ADGRV1: variants seen among roughly 807,000 people sequenced by gnomAD.
ADGRV1 encodes G-protein coupled receptor 98.
A neutral mutation model predicts 596.2 loss-of-function variants in ADGRV1; 359 were observed. That is an observed-to-expected ratio of 0.60 (90% CI 0.55 to 0.66). The LOEUF is 0.66. ADGRV1 is among the 30% of genes least tolerant of loss of function. ADGRV1 has a pLI of 0.00. For synonymous variants in ADGRV1, 2,681 were observed against 2,679.2 expected (o/e 1.00, Z -0.02); for missense variants, 7,274 against 7,575.6 (o/e 0.96, Z 1.48).
chr5:90,891,178 A>G (rs1214727353), intron 83 of ADGRV1, among the ~76,000 whole-genome samples: 2 of 147,770 alleles, frequency 1.4e-5, no homozygotes, highest in East Asian at 3.9e-4. Flanking sequence ...TTATATTATA[A>G]TATATATTAT....
At chr5:90,675,671 GCAGCTA>G (rs1773145759) in intron 24 of ADGRV1, among the ~76,000 whole-genome samples, 1 of 151,970 alleles carries the variant, frequency 6.6e-6, no homozygotes, top group Admixed American at 6.6e-5. Flanking sequence ...GTGTGGTGGT[GCAGCTA>G]CTCTGGATGC....
chr5:90,625,302 T>C, intron 6 of ADGRV1, 59 bp downstream of exon 6: 4 of 1,066,952 alleles, frequency 3.7e-6, no homozygotes, highest in Non-Finnish European at 4.3e-6. Context: ...GACACAGTCC[T>C]GTATAAACTT....
chr5:90,818,965 G>C, intron 75 of ADGRV1, among the ~76,000 whole-genome samples: 1 of 151,856 alleles, frequency 6.6e-6, no homozygotes, highest in East Asian at 1.9e-4. Flanking sequence ...TTTTTCTGTT[G>C]ATTGGAATAG....
intron 83 of ADGRV1, among the ~76,000 whole-genome samples, chr5:90,908,358 T>C (rs565790599): frequency 1.3e-5 from 2 of 152,210 alleles, no homozygotes; most frequent in Admixed American, 1.3e-4. Context: ...CAAGCATTTA[T>C]CCTTTGTGTT....
intron 26 of ADGRV1, 92 bp from the exon 27 acceptor site, chr5:90,681,223 C>G (rs1317628630): frequency 1.4e-6 from 2 of 1,414,150 alleles, no homozygotes; most frequent in Non-Finnish European, 1.9e-6. Context: ...TGGAAGGACT[C>G]TTTTCAAAAA....
At chr5:90,580,714 T>A (rs963206372) in intron 1 of ADGRV1, among the ~76,000 whole-genome samples, 4 of 152,312 alleles carry the variant, frequency 2.6e-5, no homozygotes, top group African/African-American at 7.2e-5. Flanking sequence ...CCCTTAACAT[T>A]TTTTCCTTCA....
intron 1 of ADGRV1, among the ~76,000 whole-genome samples, chr5:90,587,893 C>T (rs1399031446): frequency 2.0e-5 from 3 of 151,616 alleles, no homozygotes; most frequent in Non-Finnish European, 4.4e-5. Flanking sequence ...TTTGCTCTAT[C>T]CTACAAAATG....
At chr5:90,889,397 A>G (rs1297589673) in intron 83 of ADGRV1, among the ~76,000 whole-genome samples, 3 of 152,128 alleles carry the variant, frequency 2.0e-5, no homozygotes, top group Non-Finnish European at 4.4e-5. Context: ...TCTCCTCATT[A>G]TAGAGAAGAC....
At position 90,840,841 on chromosome 5, in the gene ADGRV1, G is replaced by A. The variant is rs1227890928; in HGVS notation, c.16875G>A (p.Ser5625=). 1.4e-5 allele frequency: 22 copies of A among 1,613,286 alleles called. No individual in the cohort carries two copies. The highest frequency in any genetic ancestry group is 4.4e-5 in the South Asian group (4 of 91,036). ...ANITLVSDAD[S]QAIWGLADQL... is the part of the protein sequence containing the mutation. ...TCACTCTTGTCTCAGATGCAGATTC[G>A]CAGGCCATTTGGGGGCTTGCAGATC... Residue 5625 remains serine, a synonymous_variant, in exon 78 of 90, where the codon TCG becomes TCA. Transcript: ENST00000405460.
At chr5:90,937,420 C>G (rs980822555) in intron 83 of ADGRV1, among the ~76,000 whole-genome samples, 1 of 150,542 alleles carries the variant, frequency 6.6e-6, no homozygotes, top group African/African-American at 2.4e-5. Flanking sequence ...TTAAAGTTAT[C>G]CCATTTATTG....
intron 87 of ADGRV1, among the ~76,000 whole-genome samples, chr5:91,144,396 C>T (rs1321051445): frequency 6.6e-6 from 1 of 152,214 alleles, no homozygotes; most frequent in Non-Finnish European, 1.5e-5. Flanking sequence ...GCCTCAACCT[C>T]TTGGGCTCAA....
At chr5:90,805,529 G>A in intron 72 of ADGRV1, 71 bp downstream of exon 72, 1 of 1,279,824 alleles carries the variant, frequency 7.8e-7, no homozygotes, top group Non-Finnish European at 1.1e-6. Flanking sequence ...TAATTGTCTT[G>A]GGTTATCCTT....
At chr5:90,851,102 G>GGT (rs371933419) in intron 79 of ADGRV1, among the ~76,000 whole-genome samples, 5,499 of 50,502 alleles carry the variant, frequency 0.11, 358 homozygotes, top group South Asian at 0.25. Context: ...AGCTAGGTAG[G>GGT]GTGTGTGTGT....
chr5:90,690,067 G>A lies in ADGRV1; in HGVS notation c.6697G>A (p.Gly2233Arg). 1 of 1,535,422 alleles carries A rather than the reference G, an allele frequency of 6.5e-7. No individual in the cohort carries two copies. The highest frequency in any genetic ancestry group is 1.9e-5 in the Admixed American group (1 of 52,140). Residue 2233 changes from glycine to arginine, a missense_variant, in exon 30 of 90, where the codon GGA becomes AGA. Transcript: ENST00000405460. Reference sequence around the variant, plus strand: ...TATTGAGGCCTCTGATGACCCCTATGGATTATTTGGTATGAAGACTAATTT... The same window carrying A: ...TATTGAGGCCTCTGATGACCCCTATAGATTATTTGGTATGAAGACTAATTT... ...IIIEASDDPY[G>R]LFGFQITKLI...
At chr5:90,879,768 G>A (rs1469316224) in intron 83 of ADGRV1, among the ~76,000 whole-genome samples, 1 of 152,026 alleles carries the variant, frequency 6.6e-6, no homozygotes, top group Admixed American at 6.5e-5. Context: ...CCAACATGGT[G>A]AAACCCCTGT....
chr5:90,800,781 A>G (rs933900643), intron 70 of ADGRV1, among the ~76,000 whole-genome samples: 1 of 152,220 alleles, frequency 6.6e-6, no homozygotes, highest in Non-Finnish European at 1.5e-5. Flanking sequence ...AGGGTCATGG[A>G]TGAAGCTGGA....
intron 76 of ADGRV1, among the ~76,000 whole-genome samples, chr5:90,824,832 A>AT (rs1339051659): frequency 3.9e-4 from 60 of 152,318 alleles, no homozygotes; most frequent in Admixed American, 1.6e-3. Flanking sequence ...AGAACCTGTC[A>AT]TGGTTAAGTG....
chr5:90,935,611 T>C (rs1335796355), intron 83 of ADGRV1, among the ~76,000 whole-genome samples: 1 of 152,240 alleles, frequency 6.6e-6, no homozygotes, highest in African/African-American at 2.4e-5. Flanking sequence ...TTTCTAATAC[T>C]GCTTTTGTTG....
intron 1 of ADGRV1, among the ~76,000 whole-genome samples, chr5:90,595,173 C>A (rs1339106150): frequency 1.3e-4 from 12 of 90,732 alleles, no homozygotes; most frequent in African/African-American, 2.1e-4. Flanking sequence ...CTGACCCCCC[C>A]ACCTCCCTCC....
Sources: gnomAD v4.1 joint callset for allele counts (sites outside exome capture counted in the v4.1 genomes callset) on GRCh38, gnomAD v4.1.1 for gene constraint, MANE v1.5 for transcripts, NCBI Gene and HGNC (gene_info 2026-07-23, HGNC 2026-07-21) for gene names.